DICER1: variants seen among roughly 807,000 people sequenced by gnomAD.
DICER1 encodes the protein dicer 1, ribonuclease III.
A neutral mutation model predicts 194.1 loss-of-function variants in DICER1; 43 were observed. The ratio of observed to expected loss-of-function variants is 0.22; its 90% CI spans 0.17 to 0.29. The LOEUF is 0.29. DICER1 is among the 10% of genes least tolerant of loss of function. The pLI, the probability that DICER1 is intolerant of heterozygous loss-of-function variation, is 1.00. For missense variants in DICER1, 1,608 were observed against 2,317.0 expected (o/e 0.69, Z 6.28); for synonymous variants, 832 against 820.5 (o/e 1.01, Z -0.24).
chr14:95,094,965 T>C (rs778756159), intron 23 of DICER1, among the ~76,000 whole-genome samples: 6 of 152,218 alleles, frequency 3.9e-5, no homozygotes, highest in Non-Finnish European at 8.8e-5. Flanking sequence ...CAGCAGAATG[T>C]AGTCGAAAGC....
chr14:95,149,877 A>G (rs1484070509), intron 1 of DICER1, among the ~76,000 whole-genome samples: 1 of 152,236 alleles, frequency 6.6e-6, no homozygotes, highest in Admixed American at 6.5e-5. Context: ...AAATTATTTC[A>G]ACAAGCTTAA....
At chr14:95,130,728 AAC>A (rs1893881719) in intron 4 of DICER1, among the ~76,000 whole-genome samples, 1 of 152,176 alleles carries the variant, frequency 6.6e-6, no homozygotes, top group South Asian at 2.1e-4. Flanking sequence ...CCCAATGACC[AAC>A]ACACCAAAAG....
chr14:95,153,467 G>A (rs752713952), intron 1 of DICER1, among the ~76,000 whole-genome samples: 1 of 152,142 alleles, frequency 6.6e-6, no homozygotes, highest in Non-Finnish European at 1.5e-5. Context: ...AATGGCATGT[G>A]AAAAAATGTT....
Position 95,129,642 on chromosome 14 carries a change from T to C in DICER1, c.574-10A>G. 1 of 1,608,504 alleles carries C rather than the reference T, an allele frequency of 6.2e-7. No homozygotes were observed. The highest frequency in any genetic ancestry group is 8.5e-7 in the Non-Finnish European group (1 of 1,179,342). On this transcript the variant is annotated splice_polypyrimidine_tract_variant and intron_variant, in intron 5 of 26. Transcript: ENST00000343455. Reference sequence around the variant, plus strand: ...GACAATTTTCACAGAGCTAACATAATAAAAGATACTGACAGTAAAGACTTC... The same window carrying C: ...GACAATTTTCACAGAGCTAACATAACAAAAGATACTGACAGTAAAGACTTC...
intron 8 of DICER1, among the ~76,000 whole-genome samples, 178 bp from the exon 9 acceptor site, chr14:95,117,932 T>C (rs779793041): frequency 3.3e-5 from 5 of 152,196 alleles, no homozygotes; most frequent in Non-Finnish European, 7.3e-5. Context: ...CTTCACCACA[T>C]AGATCTGTGG....
At chr14:95,148,989 T>C (rs538303070) in intron 1 of DICER1, among the ~76,000 whole-genome samples, 3 of 146,986 alleles carry the variant, frequency 2.0e-5, no homozygotes, top group African/African-American at 8.2e-5. Context: ...ACAGGCACCA[T>C]CAGAGCACAT....
In DICER1 at chr14:95,090,339, T is replaced by C; in HGVS notation, c.*159A>G. On this transcript the variant is annotated 3_prime_UTR_variant, in exon 27 of 27. Transcript: ENST00000343455. The stretch of plus-strand genomic sequence containing the variant: ...TCCAAAATTTTATACATATGTTAAA[T>C]GTTTTATTCTGTTATCTATCCTGTT... The C allele has an allele frequency of 1.3e-6, 1 of 772,946 alleles. No individual in the cohort carries two copies. Among genetic ancestry groups the C allele is most frequent in the Non-Finnish European group, 2.1e-6 (1 of 479,584 alleles). The allele number at this position is 772,946 out of a possible 1,614,324, so 47.9% of individuals were successfully genotyped here. A position where few individuals can be genotyped will look rare whatever the true frequency, so the allele number is the denominator to read the frequency against.
intron 1 of DICER1, among the ~76,000 whole-genome samples, chr14:95,145,509 T>C (rs1895075004): frequency 6.6e-6 from 1 of 152,002 alleles, no homozygotes. Flanking sequence ...AAACAAGAAA[T>C]AGTAATAATC....
At chr14:95,137,368 G>A (rs574149210) in intron 1 of DICER1, among the ~76,000 whole-genome samples, 66 of 139,574 alleles carry the variant, frequency 4.7e-4, no homozygotes, top group Non-Finnish European at 8.0e-4. Context: ...AAGGAAAAGG[G>A]AAGGGGGAAG....
At chr14:95,119,240 C>T (rs1892741674) in intron 8 of DICER1, among the ~76,000 whole-genome samples, 2 of 152,048 alleles carry the variant, frequency 1.3e-5, no homozygotes, top group Non-Finnish European at 2.9e-5. Context: ...ATCCATCTGG[C>T]AGACTTCAAT....
Position 95,124,918 on chromosome 14 carries a change from G to A in DICER1, c.904-250C>T, listed in dbSNP as rs532402662. 5.9e-5 allele frequency among the ~76,000 whole-genome samples: 9 copies of A among 152,212 alleles called. No individual in the cohort carries two copies. Among genetic ancestry groups the A allele is most frequent in the African/African-American group, 2.2e-4 (9 of 41,536 alleles). ...GAAATTAAAAGATGCAATTGTATGA[G>A]GTTAATGAAGCTTATTTTTAGATCT... On this transcript the variant is annotated intron_variant, in intron 7 of 26. Coordinates refer to ENST00000343455, the MANE Select transcript of DICER1 (RefSeq NM_177438.3). The surrounding 1 kb of genome is among the most constrained non-coding windows in gnomAD (Gnocchi z 4.5).
intron 1 of DICER1, among the ~76,000 whole-genome samples, chr14:95,151,899 T>C (rs1256603170): frequency 6.6e-6 from 1 of 152,186 alleles, no homozygotes; most frequent in Non-Finnish European, 1.5e-5. Context: ...ATACGACTAC[T>C]ACCTTTCTTT....
chr14:95,155,658 A>G (rs964009148), intron 1 of DICER1, among the ~76,000 whole-genome samples: 1 of 152,238 alleles, frequency 6.6e-6, no homozygotes, highest in Non-Finnish European at 1.5e-5. Context: ...GGCCCTTACT[A>G]AAAAGGATTG....
At chr14:95,091,171 G>T (rs879066710) in intron 25 of DICER1, 32 bp downstream of exon 25, 3 of 1,614,028 alleles carry the variant, frequency 1.9e-6, no homozygotes, top group South Asian at 1.1e-5. Flanking sequence ...AATTTTGTGG[G>T]TTTTTTTCTT....
chr14:95,099,638 A>G, intron 22 of DICER1, 142 bp downstream of exon 22: 1 of 1,059,432 alleles, frequency 9.4e-7, no homozygotes, highest in Non-Finnish European at 1.3e-6. Context: ...TAAATATATC[A>G]AATATCTACT....
chr14:95,148,871 C>T (rs916629301), intron 1 of DICER1, among the ~76,000 whole-genome samples: 2 of 151,942 alleles, frequency 1.3e-5, no homozygotes, highest in African/African-American at 2.4e-5. Flanking sequence ...CTTAACACAT[C>T]ACTAGCTTTC....
At chr14:95,122,927 T>TGCGTGTACGCGC (rs1893061593) in intron 8 of DICER1, among the ~76,000 whole-genome samples, 1 of 150,340 alleles carries the variant, frequency 6.7e-6, no homozygotes, top group Admixed American at 6.6e-5. Flanking sequence ...CGTGTGCGCG[T>TGCGTGTACGCGC]GCGTGTACGC....
intron 21 of DICER1, among the ~76,000 whole-genome samples, chr14:95,102,673 C>T (rs1050687043): frequency 1.4e-5 from 2 of 146,234 alleles, no homozygotes; most frequent in African/African-American, 5.3e-5. Context: ...GCTCATGTTG[C>T]CTTGTGAGAC....
intron 8 of DICER1, among the ~76,000 whole-genome samples, chr14:95,121,579 T>C (rs1027465531): frequency 1.3e-5 from 2 of 152,196 alleles, no homozygotes; most frequent in African/African-American, 4.8e-5. Context: ...AGACAGGATG[T>C]GAACCCAGGT....
Sources: gnomAD v4.1 joint callset for allele counts (sites outside exome capture counted in the v4.1 genomes callset) on GRCh38, gnomAD v4.1.1 for gene constraint, Gnocchi (gnomAD v3.1) non-coding constraint, MANE v1.5 for transcripts, NCBI Gene and HGNC (gene_info 2026-07-23, HGNC 2026-07-21) for gene names.